BBOF1: variants seen among roughly 807,000 people sequenced by gnomAD.
BBOF1 encodes the protein basal body-orientation factor 1.
A neutral mutation model predicts 68.0 loss-of-function variants in BBOF1; 62 were observed. The observed-to-expected ratio is 0.91, with a 90% CI of 0.74 to 1.13. The LOEUF is 1.13. BBOF1 is among the 50% of genes most tolerant of loss of function. The pLI is 0.00. For missense variants in BBOF1, 534 were observed against 600.1 expected (o/e 0.89, Z 1.15); for synonymous variants, 208 against 198.8 (o/e 1.05, Z -0.39).
chr14:74,059,695 C>A, intron 11 of BBOF1: 2 of 163,578 alleles, frequency 1.2e-5, no homozygotes, highest in Non-Finnish European at 2.6e-5. Context: ...AACTCCATCT[C>A]AAAAAAAAGA....
chr14:74,044,260 AAAAT>A (rs145928186), intron 5 of BBOF1, among the ~76,000 whole-genome samples: 13 of 150,780 alleles, frequency 8.6e-5, no homozygotes, highest in South Asian at 2.1e-4. Flanking sequence ...CAATAATAAT[AAAAT>A]AAATAAATAA....
At chr14:74,078,958 C>G (rs2060642498) in intron 10 of BBOF1, among the ~76,000 whole-genome samples, 1 of 151,830 alleles carries the variant, frequency 6.6e-6, no homozygotes, top group African/African-American at 2.4e-5. Context: ...AGCCACCCCA[C>G]CAGGCTGCCA....
chr14:74,062,085 G>A (rs999633313), intron 11 of BBOF1, among the ~76,000 whole-genome samples: 8 of 147,158 alleles, frequency 5.4e-5, no homozygotes, highest in African/African-American at 2.0e-4. Flanking sequence ...AAAAAAGCTG[G>A]GCGTGGTGGA....
chr14:74,023,773 G>A (rs911833059), intron 2 of BBOF1, among the ~76,000 whole-genome samples: 2 of 151,676 alleles, frequency 1.3e-5, no homozygotes, highest in African/African-American at 2.4e-5. Flanking sequence ...AAAATTAACC[G>A]GGCATGGCTG....
In BBOF1 at chr14:74,040,953, A is replaced by G. The variant is rs958935176; in HGVS notation, c.576+308A>G. The G allele has an allele frequency of 3.3e-5, 12 of 360,794 alleles. No individual in the cohort carries two copies. In the Admixed American group the frequency reaches 5.2e-4, roughly 16 times the overall value. The allele number at this position is 360,794 out of a possible 1,614,324, so 22.3% of individuals were successfully genotyped here. On this transcript the variant is annotated intron_variant, in intron 5 of 11. Coordinates refer to ENST00000394009, the MANE Select transcript of BBOF1 (RefSeq NM_025057.3). ...ACTCCCATTATATAGGGAAGATGGG[A>G]GTGGAGAAATCACTCTCGTATGTGT...
chr14:74,082,469 AGCTC>A (rs2060679997), intron 12 of BBOF1, among the ~76,000 whole-genome samples: 3 of 130,602 alleles, frequency 2.3e-5, no homozygotes, highest in Non-Finnish European at 4.6e-5. Context: ...GCACGATCTC[AGCTC>A]ACTGCAACCT....
chr14:74,061,249 A>G (rs2060333963), intron 11 of BBOF1, among the ~76,000 whole-genome samples: 1 of 152,020 alleles, frequency 6.6e-6, no homozygotes, highest in South Asian at 2.1e-4. Context: ...AAGTGCTGGA[A>G]TTACAAGTGT....
At chr14:74,066,926 A>G (rs373528078), downstream of BBOF1, 11 of 1,576,004 alleles carry the variant, frequency 7.0e-6, no homozygotes, top group Non-Finnish European at 8.7e-6. Context: ...CCTCATTAAC[A>G]TAAATTATGA....
chr14:74,046,229 G>A (rs2059946050), intron 6 of BBOF1, 99 bp downstream of exon 6: 3 of 1,067,906 alleles, frequency 2.8e-6, no homozygotes, highest in Non-Finnish European at 2.6e-6. Flanking sequence ...TTCTGTTCTG[G>A]CTTACTTGCT....
chr14:74,031,367 C>A (rs2059564976), intron 3 of BBOF1, among the ~76,000 whole-genome samples: 1 of 152,130 alleles, frequency 6.6e-6, no homozygotes, highest in Non-Finnish European at 1.5e-5. Context: ...TCCAGCTTGG[C>A]CTCCCAAAGT....
chr14:74,046,192 T>C, intron 6 of BBOF1, 62 bp downstream of exon 6: 1 of 1,418,066 alleles, frequency 7.1e-7, no homozygotes. Flanking sequence ...GCTGGTCTCT[T>C]TTCTTCTTAC....
rs2072293 is a variant in BBOF1 at position 74,071,182 on chromosome 14, T to G, written n.1380-7014T>G. ...TAGCCAGATTAAGTAGCCATATGCA[T>G]AAGGGCAGTTACCTTCATGCTGTCC... On this transcript the variant is annotated intron_variant and non_coding_transcript_variant, in intron 9 of 12. Coordinates refer to the BBOF1 transcript ENST00000492026. 0.36 allele frequency: 587,112 copies of G among 1,611,204 alleles called. 117,511 individuals are homozygous for G. Among genetic ancestry groups the G allele is most frequent in the East Asian group, 0.83 (37,134 of 44,856 alleles).
chr14:74,029,097 A>T, intron 2 of BBOF1, 87 bp from the exon 3 acceptor site: 1 of 795,374 alleles, frequency 1.3e-6, no homozygotes, highest in Non-Finnish European at 2.1e-6. Context: ...TATTGGTTTT[A>T]GTATTGTGTG....
chr14:74,081,245 C>G (rs1422309693), exon 12 of BBOF1: 1 of 152,060 alleles, frequency 6.6e-6, no homozygotes, highest in Non-Finnish European at 1.5e-5. Context: ...TTGTTGTGTC[C>G]CCAGCCCCTA....
chr14:74,047,863 A>G (rs2059985192), intron 6 of BBOF1, 67 bp from the exon 7 acceptor site: 1 of 1,423,476 alleles, frequency 7.0e-7, no homozygotes. Flanking sequence ...TGGTGAAGCA[A>G]TCATTTTTCT....
At chr14:74,066,877 G>C, downstream of BBOF1, 1 of 1,613,218 alleles carries the variant, frequency 6.2e-7, no homozygotes, top group Non-Finnish European at 8.5e-7. Context: ...ATCAGCTCCA[G>C]GCTGATCTCC....
intron 3 of BBOF1, among the ~76,000 whole-genome samples, chr14:74,032,219 C>T (rs1183379829): frequency 1.1e-4 from 17 of 150,494 alleles, no homozygotes; most frequent in Admixed American, 3.3e-4. Context: ...TTCCGCCTCC[C>T]GGGTTCAAGC....
intron 11 of BBOF1, chr14:74,060,826 T>G: frequency 1.0e-6 from 1 of 974,040 alleles, no homozygotes; most frequent in Non-Finnish European, 1.7e-6. Context: ...GAAGGAGGTA[T>G]TATAAAGTGC....
At chr14:74,070,746 C>G (rs2060538299), downstream of BBOF1, 1 of 173,946 alleles carries the variant, frequency 5.7e-6, no homozygotes, top group Non-Finnish European at 1.2e-5. Flanking sequence ...AAAATAATAC[C>G]TACCTCAAAG....
Sources: gnomAD v4.1 joint callset for allele counts (sites outside exome capture counted in the v4.1 genomes callset) on GRCh38, gnomAD v4.1.1 for gene constraint, MANE v1.5 for transcripts, NCBI Gene and HGNC (gene_info 2026-07-23, HGNC 2026-07-21) for gene names.